Variants in MAGI2 observed in about 807,000 individuals in gnomAD.
The protein encoded by MAGI2 is membrane-associated guanylate kinase, WW and PDZ domain-containing protein 2.
In MAGI2, 35 loss-of-function variants were observed where a neutral mutation model predicts 133.3. The ratio of observed to expected loss-of-function variants is 0.26; its 90% CI spans 0.20 to 0.35. The LOEUF (loss-of-function observed/expected upper bound fraction) is 0.35. Among genes scored for constraint, MAGI2 ranks in the 10% least tolerant of loss-of-function variants. The probability of loss-of-function intolerance (pLI) is 1.00; values close to 1 mark genes in which losing one functional copy is unlikely to be tolerated. For synonymous variants in MAGI2, 729 were observed against 710.6 expected, an observed-to-expected ratio of 1.03 and a Z score of -0.41; for missense variants, 1,636 against 1,863.4, an observed-to-expected ratio of 0.88 and a Z score of 2.25.
chr7:78,649,729 T>C (rs1024232730), intron 2 of MAGI2, among the ~76,000 whole-genome samples: 2 of 152,132 alleles, frequency 1.3e-5, no homozygotes, highest in Non-Finnish European at 2.9e-5. Context: ...CCTGTTGTTA[T>C]AGGTATCAGG....
intron 9 of MAGI2, among the ~76,000 whole-genome samples, chr7:78,299,169 A>G (rs968384970): frequency 6.6e-6 from 1 of 152,194 alleles, no homozygotes; most frequent in African/African-American, 2.4e-5. Flanking sequence ...TTTATTGGGA[A>G]GGTCAAAGTA....
At chr7:78,125,019 A>G (rs907416426) in intron 20 of MAGI2, among the ~76,000 whole-genome samples, 15 of 152,102 alleles carry the variant, frequency 9.9e-5, no homozygotes, top group African/African-American at 3.6e-4. Flanking sequence ...GCCCGCCACC[A>G]CGCCTGGCTA....
At chr7:78,131,233 A>G (rs1011908026) in intron 18 of MAGI2, among the ~76,000 whole-genome samples, 5 of 152,118 alleles carry the variant, frequency 3.3e-5, no homozygotes, top group African/African-American at 1.2e-4. Flanking sequence ...CTCAGGACCT[A>G]CCCTTCTTAG....
At chr7:78,495,220 G>C (rs1793977983) in intron 5 of MAGI2, among the ~76,000 whole-genome samples, 1 of 152,034 alleles carries the variant, frequency 6.6e-6, no homozygotes, top group South Asian at 2.1e-4. Context: ...CCACCAACCT[G>C]TCATCCACAT....
chr7:78,215,375 G>A (rs537726076), intron 10 of MAGI2, among the ~76,000 whole-genome samples: 43 of 152,296 alleles, frequency 2.8e-4, no homozygotes, highest in Middle Eastern at 3.4e-3. Context: ...TAAGAGGCTG[G>A]TGCTTGAGGT....
chr7:79,135,979 GA>G (rs1356370072), intron 1 of MAGI2, among the ~76,000 whole-genome samples: 1 of 32,978 alleles, frequency 3.0e-5, no homozygotes, highest in Non-Finnish European at 1.4e-4. Context: ...AAGAAAGAAA[GA>G]AAGAAAGAAA....
intron 9 of MAGI2, among the ~76,000 whole-genome samples, chr7:78,257,876 T>C (rs1451583475): frequency 6.6e-6 from 1 of 152,172 alleles, no homozygotes; most frequent in Non-Finnish European, 1.5e-5. Context: ...GAGGTACAAA[T>C]GGCTAGGGAT....
At chr7:78,898,859 A>G (rs1797403656) in intron 2 of MAGI2, among the ~76,000 whole-genome samples, 1 of 152,068 alleles carries the variant, frequency 6.6e-6, no homozygotes, top group Non-Finnish European at 1.5e-5. Flanking sequence ...ATTTAATAAC[A>G]TTTCCCTTCT....
intron 3 of MAGI2, among the ~76,000 whole-genome samples, chr7:78,533,532 C>A (rs776826708): frequency 1.4e-4 from 22 of 152,158 alleles, no homozygotes; most frequent in Non-Finnish European, 2.2e-4. Flanking sequence ...ATAAGGTCAT[C>A]TGTGATGACC....
intron 4 of MAGI2, among the ~76,000 whole-genome samples, chr7:78,506,795 T>C (rs866043478): frequency 6.6e-6 from 1 of 152,158 alleles, no homozygotes; most frequent in African/African-American, 2.4e-5. Context: ...GGTTTAAAAA[T>C]GAATGAAAGG....
intron 1 of MAGI2, among the ~76,000 whole-genome samples, chr7:79,073,540 C>T (rs527895372): frequency 5.3e-5 from 8 of 152,234 alleles, no homozygotes; most frequent in East Asian, 3.9e-4. Context: ...TCCACTTCTG[C>T]CAACTCCATT....
At position 79,451,775 on chromosome 7, in the gene MAGI2, GACAA is replaced by G. The variant is rs563129345; in HGVS notation, c.301+1241_301+1244del. 4.6e-5 allele frequency among the ~76,000 whole-genome samples: 7 copies of G among 152,216 alleles called. No individual in the cohort carries two copies. The East Asian group carries it at 9.7e-4, about 21-fold the overall frequency. ...ATGCTCAATTCCACCTTTGAGTCAGGACAAACAGTGTACATCGACGACAACAACA... is the reference window on the plus strand; with the variant it reads ...ATGCTCAATTCCACCTTTGAGTCAGGACAGTGTACATCGACGACAACAACA... On this transcript the variant is annotated intron_variant, in intron 1 of 21. Coordinates refer to ENST00000354212, the MANE Select transcript of MAGI2 (RefSeq NM_012301.4).
At chr7:79,368,837 G>C (rs1842888208) in intron 1 of MAGI2, among the ~76,000 whole-genome samples, 1 of 117,294 alleles carries the variant, frequency 8.5e-6, no homozygotes, top group Non-Finnish European at 1.6e-5. Flanking sequence ...GACAGAGCGA[G>C]ACTCCGTCTC....
At chr7:78,986,488 T>C (rs114231626) in intron 2 of MAGI2, among the ~76,000 whole-genome samples, 2,058 of 151,946 alleles carry the variant, frequency 0.014, 46 homozygotes, top group African/African-American at 0.047. Context: ...TTCAAACCGG[T>C]CTTTTTTTTT....
chr7:79,005,661 T>C (rs1471215796), intron 2 of MAGI2, among the ~76,000 whole-genome samples: 1 of 152,166 alleles, frequency 6.6e-6, no homozygotes. Flanking sequence ...TATTCAGTAT[T>C]TCAGATCTCC....
At chr7:78,241,920 C>T (rs10227498) in intron 10 of MAGI2, among the ~76,000 whole-genome samples, 6,429 of 150,282 alleles carry the variant, frequency 0.043, 449 homozygotes, top group African/African-American at 0.15. Context: ...GACGACAGAG[C>T]GAGAACCCGT....
At chr7:78,298,268 A>T (rs541713448) in intron 9 of MAGI2, among the ~76,000 whole-genome samples, 1 of 152,350 alleles carries the variant, frequency 6.6e-6, no homozygotes, top group African/African-American at 2.4e-5. Context: ...GAGTCTAACG[A>T]GACATGACAA....
chr7:78,406,740 C>T (rs1797413876), intron 6 of MAGI2, among the ~76,000 whole-genome samples: 1 of 152,000 alleles, frequency 6.6e-6, no homozygotes, highest in Non-Finnish European at 1.5e-5. Flanking sequence ...TTACCACATG[C>T]CAAACACTTT....
chr7:79,002,241 CACAAGTAGCTGGGACT>C (rs1806942307), intron 2 of MAGI2, among the ~76,000 whole-genome samples: 1 of 151,722 alleles, frequency 6.6e-6, no homozygotes, highest in East Asian at 1.9e-4. Flanking sequence ...AAGTGATCCT[CACAAGTAGCTGGGACT>C]ACTACAGGTG....
Sources: gnomAD v4.1 joint callset for allele counts (sites outside exome capture counted in the v4.1 genomes callset) on GRCh38, gnomAD v4.1.1 for gene constraint, MANE v1.5 for transcripts, NCBI Gene and HGNC (gene_info 2026-07-23, HGNC 2026-07-21) for gene names.